The following UBE4A variants were observed in gnomAD, a reference collection of about 807,000 sequenced individuals.
UBE4A encodes the protein ubiquitin conjugation factor E4 A.
Under a neutral mutation model 117.9 loss-of-function variants are expected in UBE4A, and 48 were observed. The observed-to-expected ratio is 0.41, with a 90% CI of 0.32 to 0.52. UBE4A has a LOEUF of 0.52. Ranked by LOEUF, UBE4A falls within the 20% of genes least tolerant of loss-of-function variation. The pLI is 0.33. For synonymous variants in UBE4A, 407 were observed against 450.0 expected (o/e 0.90, Z 1.21); for missense variants, 1,067 against 1,296.3 (o/e 0.82, Z 2.72).
intron 19 of UBE4A, among the ~76,000 whole-genome samples, chr11:118,395,731 G>T (rs1446977136): frequency 6.6e-6 from 1 of 152,156 alleles, no homozygotes; most frequent in Admixed American, 6.5e-5. Flanking sequence ...CATTTTTTAA[G>T]CCACTGTAAT....
At chr11:118,362,247 T>A (rs1360296511) in intron 1 of UBE4A, among the ~76,000 whole-genome samples, 1 of 152,142 alleles carries the variant, frequency 6.6e-6, no homozygotes, top group Non-Finnish European at 1.5e-5. Context: ...CTCAGCCTCC[T>A]GAGTAGCTGA....
chr11:118,374,785 G>A (rs1271337500), intron 8 of UBE4A, 111 bp from the exon 9 acceptor site: 32 of 992,012 alleles, frequency 3.2e-5, no homozygotes, highest in Non-Finnish European at 4.1e-5. Flanking sequence ...CAGAGAGTGA[G>A]GGGAAAGATT....
At chr11:118,386,147 T>C (rs1324271487) in intron 15 of UBE4A, among the ~76,000 whole-genome samples, 6 of 152,188 alleles carry the variant, frequency 3.9e-5, no homozygotes, top group African/African-American at 1.4e-4. Context: ...CTGGGTTTCA[T>C]ATATTAAACT....
At position 118,396,426 on chromosome 11, in the gene UBE4A, G is replaced by A. The variant is rs782706782; in HGVS notation, c.3187G>A (p.Glu1063Lys). The A allele has an allele frequency of 6.2e-7, 1 of 1,613,588 alleles. No homozygotes were observed. Among genetic ancestry groups the A allele is most frequent in the African/African-American group, 1.3e-5 (1 of 74,880 alleles). ...GCTTGCAGAGAGGAAACAACAAAAG[G>A]AGCAACTTGAATAGATACTGTGAAC... ...RWLAERKQQK[E>K]QLE The change falls in exon 20 of 20, where the codon GAG (glutamate) becomes AAG (lysine). Residue 1063 changes from glutamate (E) to lysine (K), a missense_variant. Coordinates refer to ENST00000252108, the MANE Select transcript of UBE4A (RefSeq NM_001204077.2).
rs1948886904 is a variant in UBE4A at position 118,397,601 on chromosome 11, T to G, written c.*1161T>G. 6.6e-6 allele frequency: 1 copy of G among 151,944 alleles called. No homozygotes were observed. The highest frequency in any genetic ancestry group is 1.5e-5 in the Non-Finnish European group (1 of 67,966). The allele number at this position is 151,944 out of a possible 1,614,324, so 9.4% of individuals were successfully genotyped here. Reference sequence around the variant, plus strand: ...GGTAGGTGGACACCACTTTCATAAGTGAACTTGAGCTCACTACTCAATTGT... The same window carrying G: ...GGTAGGTGGACACCACTTTCATAAGGGAACTTGAGCTCACTACTCAATTGT... On this transcript the variant is annotated 3_prime_UTR_variant, in exon 20 of 20. Transcript: ENST00000252108.
chr11:118,396,206 T>G, intron 19 of UBE4A, 108 bp from the exon 20 acceptor site: 1 of 1,397,756 alleles, frequency 7.2e-7, no homozygotes, highest in Non-Finnish European at 9.5e-7. Flanking sequence ...AAAGTTATAA[T>G]GCACTCTGGC....
chr11:118,392,725 G>C lies in UBE4A; in HGVS notation c.2917-13G>C. ...TGTGAATTCACTTTAACTACCAGAT[G>C]TTGTATACTCAGTCTCTTGCAGACC... On this transcript the variant is annotated splice_polypyrimidine_tract_variant and intron_variant, in intron 18 of 19. Coordinates refer to ENST00000252108, the MANE Select transcript of UBE4A (RefSeq NM_001204077.2). 6.2e-7 allele frequency: 1 copy of C among 1,612,422 alleles called. No individual in the cohort carries two copies.
chr11:118,384,025 C>T (rs1268710707), intron 13 of UBE4A, among the ~76,000 whole-genome samples: 1 of 152,024 alleles, frequency 6.6e-6, no homozygotes, highest in Admixed American at 6.6e-5. Flanking sequence ...GAAGTGGAAG[C>T]TGAAGAAGAT....
chr11:118,389,254 AT>A (rs1285066066), intron 16 of UBE4A, among the ~76,000 whole-genome samples: 1 of 152,192 alleles, frequency 6.6e-6, no homozygotes, highest in Non-Finnish European at 1.5e-5. Flanking sequence ...TGACTGAGGA[AT>A]GGATTTTTTA....
chr11:118,396,639 C>A lies in UBE4A; in HGVS notation c.*199C>A. 1.9e-6 allele frequency: 1 copy of A among 520,238 alleles called. No homozygotes were observed. Among genetic ancestry groups the A allele is most frequent in the Non-Finnish European group, 3.0e-6 (1 of 331,890 alleles). 32.2% of individuals were successfully genotyped at this position (520,238 alleles called of 1,614,324 possible). ...TAAGAACTTGACAATGCTCCCCTGGCTTGCAGGAAATTATACTTATTATAG... is the reference window on the plus strand; with the variant it reads ...TAAGAACTTGACAATGCTCCCCTGGATTGCAGGAAATTATACTTATTATAG... On this transcript the variant is annotated 3_prime_UTR_variant, in exon 20 of 20. Transcript: ENST00000252108.
At position 118,384,845 on chromosome 11, in the gene UBE4A, A is replaced by G; in HGVS notation, c.2312A>G (p.Tyr771Cys). The G allele has an allele frequency of 6.2e-7, 1 of 1,612,806 alleles. No individual in the cohort carries two copies. The highest frequency in any genetic ancestry group is 8.5e-7 in the Non-Finnish European group (1 of 1,179,766). Reference sequence around the variant, plus strand: ...TGGGACTTACAGGATTTGGCTGACTATGCCTCTAAGAATTTAGAAGCCATG... The same window carrying G: ...TGGGACTTACAGGATTTGGCTGACTGTGCCTCTAAGAATTTAGAAGCCATG... The part of the protein sequence containing the change: ...YRESIKDLAD[Y>C]ASKNLEAMNP... The change falls in exon 15 of 20, where the codon TAT becomes TGT. Residue 771 changes from tyrosine to cysteine, a missense_variant. Tyr to Cys is a radical substitution (Grantham distance 194). This residue lies in a region of UBE4A where 1,001 missense variants were observed against 1,184.0 expected (regional missense o/e 0.85). Coordinates refer to ENST00000252108, the MANE Select transcript of UBE4A (RefSeq NM_001204077.2).
chr11:118,373,459 G>T (rs749850965), intron 7 of UBE4A, 35 bp from the exon 8 acceptor site: 1 of 1,590,086 alleles, frequency 6.3e-7, no homozygotes, highest in Non-Finnish European at 8.6e-7. Context: ...ATCTCACCAT[G>T]AAGATGAATA....
intron 1 of UBE4A, among the ~76,000 whole-genome samples, chr11:118,364,646 A>G (rs1948548408): frequency 6.6e-6 from 1 of 152,100 alleles, no homozygotes. Context: ...AATTCTTGGG[A>G]AATCCATAAT....
At chr11:118,391,541 T>C (rs1391537492) in intron 18 of UBE4A, among the ~76,000 whole-genome samples, 1 of 149,984 alleles carries the variant, frequency 6.7e-6, no homozygotes, top group Non-Finnish European at 1.5e-5. Flanking sequence ...ACGCCTGTAA[T>C]CCTAGCACTT....
chr11:118,382,480 T>C lies in UBE4A; in HGVS notation c.2010-109T>C, dbSNP rs547289030. On this transcript the variant is annotated intron_variant, in intron 12 of 19. Transcript: ENST00000252108. ...AAAACTGCAGAAGTGGATCCTTTTT[T>C]TTCCTGTAATATGGTTTAGGGTGGA... 217 of 888,162 alleles carry C rather than the reference T, an allele frequency of 2.4e-4. No individual in the cohort carries two copies. In the African/African-American group the frequency reaches 3.1e-3, roughly 13 times the overall value. 55.0% of individuals were successfully genotyped at this position (888,162 alleles called of 1,614,324 possible).
At chr11:118,366,181 C>T (rs1003023085) in intron 2 of UBE4A, among the ~76,000 whole-genome samples, 1 of 151,750 alleles carries the variant, frequency 6.6e-6, no homozygotes, top group Non-Finnish European at 1.5e-5. Flanking sequence ...AAAACAAAAT[C>T]AATGTTGATT....
At position 118,374,976 on chromosome 11, in the gene UBE4A, C is replaced by A; in HGVS notation, c.1197C>A (p.Ile399=). ...LQLSPETKHC[I]LSWLGNCLHA... is the part of the protein sequence containing the mutation. Reference sequence around the variant, plus strand: ...TCTCTCCAGAAACCAAACACTGTATCTTGTCCTGGCTTGGAAACTGTTTGC... The same window carrying A: ...TCTCTCCAGAAACCAAACACTGTATATTGTCCTGGCTTGGAAACTGTTTGC... Residue 399 remains isoleucine (I), a synonymous_variant, in exon 9 of 20, where the codon ATC becomes ATA. Transcript: ENST00000252108. 6.2e-7 allele frequency: 1 copy of A among 1,606,142 alleles called. No homozygotes were observed. Among genetic ancestry groups the A allele is most frequent in the African/African-American group, 1.3e-5 (1 of 74,970 alleles).
At position 118,373,595 on chromosome 11, in the gene UBE4A, T is replaced by C. The variant is rs1948627007; in HGVS notation, c.1026T>C (p.Thr342=). Residue 342 remains threonine, a synonymous_variant, in exon 8 of 20, where the codon ACT becomes ACC. Coordinates refer to ENST00000252108, the MANE Select transcript of UBE4A (RefSeq NM_001204077.2). ...TGAGTATCTCCTGCTTATTAAAGAC[T>C]CCGGGTGTTGTAGAAAATCATGGCT... is the stretch of plus-strand genomic sequence containing the variant. ...VILSISCLLK[T]PGVVENHGYF... 1 of 1,614,176 alleles carries C rather than the reference T, an allele frequency of 6.2e-7. No individual in the cohort carries two copies. The highest frequency in any genetic ancestry group is 8.5e-7 in the Non-Finnish European group (1 of 1,180,030).
intron 19 of UBE4A, among the ~76,000 whole-genome samples, chr11:118,395,292 G>A (rs989521057): frequency 1.1e-4 from 17 of 148,726 alleles, no homozygotes; most frequent in Middle Eastern, 3.5e-3. Context: ...TCACGCCACT[G>A]CAACTCCAGC....
Sources: allele counts gnomAD v4.1 joint callset (sites outside exome capture counted in the v4.1 genomes callset), GRCh38; gene constraint gnomAD v4.1.1; regional missense constraint gnomAD v4.1.1; transcripts MANE v1.5; gene names NCBI Gene and HGNC (gene_info 2026-07-23, HGNC 2026-07-21).